HK1: variants seen among roughly 807,000 people sequenced by gnomAD.
HK1 encodes hexokinase-1.
A neutral mutation model predicts 91.6 loss-of-function variants in HK1; 28 were observed. The observed-to-expected ratio is 0.31, with a 90% confidence interval of 0.23 to 0.42. The LOEUF (loss-of-function observed/expected upper bound fraction) is 0.42. HK1 is among the 10% of genes least tolerant of loss of function. HK1 has a pLI of 1.00. For synonymous variants in HK1, 430 were observed against 468.1 expected, an observed-to-expected ratio of 0.92 and a Z score of 1.05; for missense variants, 770 against 1,219.8, an observed-to-expected ratio of 0.63 and a Z score of 5.49.
intron 1 of HK1, among the ~76,000 whole-genome samples, chr10:69,319,536 G>A (rs1404412671): frequency 6.6e-6 from 1 of 152,284 alleles, no homozygotes; most frequent in Admixed American, 6.5e-5. Context: ...CTGAGGACGA[G>A]GTGACCCGCC....
intron 3 of HK1, among the ~76,000 whole-genome samples, chr10:69,289,692 G>A (rs1589440535): frequency 6.6e-6 from 1 of 151,236 alleles, no homozygotes. Context: ...GGCTGGTCTC[G>A]AAACCCTGGC....
At chr10:69,318,308 T>C, upstream of HK1, 1 of 834,852 alleles carries the variant, frequency 1.2e-6, no homozygotes, top group South Asian at 5.4e-5. Flanking sequence ...CGTCCCCGGC[T>C]CCCGCTTCCG....
intron 7 of HK1, among the ~76,000 whole-genome samples, chr10:69,376,608 C>G (rs1057383095): frequency 6.6e-5 from 10 of 152,192 alleles, no homozygotes; most frequent in Non-Finnish European, 1.0e-4. Flanking sequence ...TTGCACATTT[C>G]TATCTGGGGC....
chr10:69,291,887 A>C (rs7907176), intron 3 of HK1, among the ~76,000 whole-genome samples: 13,724 of 152,146 alleles, frequency 0.09, 1,088 homozygotes, highest in African/African-American at 0.21. Context: ...TAGGCTTGGA[A>C]GTATCTGCAA....
At chr10:69,346,080 T>TCGTGTTGTGCCGTGTTGTGC (rs58029909) in intron 2 of HK1, among the ~76,000 whole-genome samples, 2 of 151,796 alleles carry the variant, frequency 1.3e-5, no homozygotes, top group African/African-American at 4.8e-5. Context: ...TCCTGCCCCT[T>TCGTGTTGTGCCGTGTTGTGC]CGTGTTGTGC....
intron 15 of HK1, among the ~76,000 whole-genome samples, chr10:69,393,509 C>G (rs1318273991): frequency 6.6e-6 from 1 of 152,190 alleles, no homozygotes; most frequent in Non-Finnish European, 1.5e-5. Context: ...GTTGGTCAGA[C>G]TGGTCTCGAA....
intron 7 of HK1, among the ~76,000 whole-genome samples, chr10:69,372,722 T>C (rs994999693): frequency 6.6e-6 from 1 of 152,174 alleles, no homozygotes; most frequent in Non-Finnish European, 1.5e-5. Flanking sequence ...TCTGAGTACA[T>C]GTTAGAGTTA....
chr10:69,400,161 G>A (rs1840322352), intron 17 of HK1, among the ~76,000 whole-genome samples: 1 of 152,228 alleles, frequency 6.6e-6, no homozygotes, highest in Admixed American at 6.5e-5. Flanking sequence ...CTAGAAATTA[G>A]AGCTGTAAAA....
chr10:69,399,720 G>T (rs1277784687), intron 17 of HK1, among the ~76,000 whole-genome samples: 3 of 152,120 alleles, frequency 2.0e-5, no homozygotes, highest in African/African-American at 7.2e-5. Context: ...TCCACCGCAT[G>T]TCTCACCTTA....
intron 7 of HK1, among the ~76,000 whole-genome samples, chr10:69,372,271 A>G (rs1301590058): frequency 6.6e-6 from 1 of 152,240 alleles, no homozygotes; most frequent in Non-Finnish European, 1.5e-5. Context: ...GCCAAACCAT[A>G]TCACTAGTTT....
chr10:69,347,137 CG>C (rs1293519083), intron 2 of HK1, among the ~76,000 whole-genome samples: 5 of 151,694 alleles, frequency 3.3e-5, no homozygotes, highest in Non-Finnish European at 5.9e-5. Flanking sequence ...GCACCCCCTA[CG>C]TAGCTGGGAT....
chr10:69,383,310 A>G (rs906153976), intron 10 of HK1, among the ~76,000 whole-genome samples: 2 of 152,268 alleles, frequency 1.3e-5, no homozygotes, highest in Non-Finnish European at 2.9e-5. Flanking sequence ...TTGATAGAGT[A>G]TGCATGAGGC....
intron 4 of HK1, 34 bp downstream of exon 4, chr10:69,364,936 A>G (rs1849623270): frequency 1.2e-6 from 2 of 1,613,540 alleles, no homozygotes; most frequent in East Asian, 4.5e-5. Context: ...GGCTCTGCAG[A>G]TGCCCCGGGA....
At chr10:69,336,731 C>G (rs1010747658) in intron 1 of HK1, among the ~76,000 whole-genome samples, 2 of 150,868 alleles carry the variant, frequency 1.3e-5, no homozygotes, top group African/African-American at 4.9e-5. Context: ...CCTCTGCCTC[C>G]TGGGTTCAAG....
At chr10:69,392,432 A>G in intron 15 of HK1, 124 bp downstream of exon 15, 1 of 998,960 alleles carries the variant, frequency 1.0e-6, no homozygotes, top group Non-Finnish European at 1.5e-6. Flanking sequence ...TCAAGACTGG[A>G]CCCCCTGGCT....
chr10:69,385,055 T>C, intron 12 of HK1, 140 bp downstream of exon 12: 1 of 914,466 alleles, frequency 1.1e-6, no homozygotes, highest in Non-Finnish European at 1.8e-6. Context: ...GAGCCAGGCT[T>C]TATTTCACAG....
chr10:69,363,250 G>A (rs1849528173), intron 3 of HK1, among the ~76,000 whole-genome samples: 1 of 152,232 alleles, frequency 6.6e-6, no homozygotes, highest in Middle Eastern at 3.2e-3. Flanking sequence ...TAGCTAGGCT[G>A]TGGCATGGCT....
At chr10:69,398,903 T>A in intron 17 of HK1, 75 bp downstream of exon 17, 1 of 1,185,686 alleles carries the variant, frequency 8.4e-7, no homozygotes, top group Admixed American at 1.8e-5. Flanking sequence ...AGGGTGTGGT[T>A]TACGCTGGGG....
intron 5 of HK1, among the ~76,000 whole-genome samples, chr10:69,302,299 A>G (rs1845915473): frequency 6.6e-6 from 1 of 151,986 alleles, no homozygotes; most frequent in South Asian, 2.1e-4. Context: ...ACAATGTGAT[A>G]CTAACATTAG....
Sources: gnomAD v4.1 joint callset for allele counts (sites outside exome capture counted in the v4.1 genomes callset) on GRCh38, gnomAD v4.1.1 for gene constraint, MANE v1.5 for transcripts, NCBI Gene and HGNC (gene_info 2026-07-23, HGNC 2026-07-21) for gene names.